Variants in ELMOD1 observed in about 807,000 individuals in gnomAD.
ELMOD1 encodes ELMO domain-containing protein 1.
A neutral mutation model predicts 46.7 loss-of-function variants in ELMOD1; 21 were observed. The observed-to-expected ratio is 0.45, with a 90% confidence interval of 0.32 to 0.65. The LOEUF (loss-of-function observed/expected upper bound fraction) is 0.65, where lower values mean the gene tolerates loss of function less well. Among genes scored for constraint, ELMOD1 ranks in the 30% least tolerant of loss-of-function variants. The pLI is 0.04. For missense variants in ELMOD1, 348 were observed against 407.8 expected (o/e 0.85, Z 1.26); for synonymous variants, 122 against 138.2 (o/e 0.88, Z 0.82).
chr11:107,591,603 C>T (rs958418651), intron 1 of ELMOD1, 194 bp downstream of exon 1: 2 of 329,726 alleles, frequency 6.1e-6, no homozygotes, highest in African/African-American at 4.4e-5. Context: ...CCGGGGTCAC[C>T]CAGGACAGTG....
At chr11:107,593,048 G>A (rs1865430758) in intron 1 of ELMOD1, 1 of 152,636 alleles carries the variant, frequency 6.6e-6, no homozygotes, top group East Asian at 1.9e-4. Flanking sequence ...GCACAGTGAA[G>A]CTGAAGTGCT....
intron 1 of ELMOD1, among the ~76,000 whole-genome samples, chr11:107,603,618 A>G (rs918701464): frequency 6.6e-6 from 1 of 151,798 alleles, no homozygotes; most frequent in Non-Finnish European, 1.5e-5. Context: ...TCCCACTTTT[A>G]GAGGAACTGG....
At chr11:107,650,987 C>T in intron 9 of ELMOD1, 79 bp downstream of exon 9, 3 of 798,996 alleles carry the variant, frequency 3.8e-6, no homozygotes. Context: ...TTTTAAGGAA[C>T]TCTGAATTTA....
intron 1 of ELMOD1, chr11:107,592,482 G>A (rs1268615533): frequency 5.6e-6 from 3 of 531,388 alleles, no homozygotes; most frequent in Non-Finnish European, 1.2e-5. Flanking sequence ...AACTGGTGCT[G>A]CCAATATGGT....
intron 7 of ELMOD1, among the ~76,000 whole-genome samples, chr11:107,650,112 A>G (rs563059400): frequency 6.6e-6 from 1 of 152,332 alleles, no homozygotes; most frequent in East Asian, 1.9e-4. Context: ...TCTACTGGAT[A>G]CATTCCTAAA....
At chr11:107,616,449 G>A (rs900204099) in intron 1 of ELMOD1, among the ~76,000 whole-genome samples, 1 of 152,022 alleles carries the variant, frequency 6.6e-6, no homozygotes, top group Admixed American at 6.6e-5. Flanking sequence ...GCGCATTCTC[G>A]GGTCACTGTA....
chr11:107,598,229 G>T (rs946135786), intron 1 of ELMOD1, among the ~76,000 whole-genome samples: 7 of 152,138 alleles, frequency 4.6e-5, no homozygotes, highest in Admixed American at 2.0e-4. Context: ...CCTACAATCT[G>T]CTGTCTGCAA....
chr11:107,630,638 T>C lies in ELMOD1; in HGVS notation c.164-62T>C. 9 of 1,601,518 alleles carry C rather than the reference T, an allele frequency of 5.6e-6. No individual in the cohort carries two copies. The South Asian group carries it at 1.0e-4, about 18-fold the overall frequency. On this transcript the variant is annotated intron_variant, in intron 3 of 11. Transcript: ENST00000265840. ...GATACGATGTTGTCTTTCAGTGTAG[T>C]AATTCTAAACCATGTGTAAAGGATA...
At chr11:107,655,843 C>A in intron 10 of ELMOD1, 90 bp from the exon 11 acceptor site, 1 of 1,358,260 alleles carries the variant, frequency 7.4e-7, no homozygotes, top group Non-Finnish European at 1.0e-6. Context: ...ACTGTCGTGG[C>A]ACTGGTAGGA....
chr11:107,615,391 A>T (rs1865845365), intron 1 of ELMOD1, among the ~76,000 whole-genome samples: 2 of 151,784 alleles, frequency 1.3e-5, no homozygotes, highest in Admixed American at 6.6e-5. Flanking sequence ...ACGCGCTGCC[A>T]CACCCAGCTA....
chr11:107,617,958 T>C, intron 1 of ELMOD1, 147 bp from the exon 2 acceptor site: 2 of 566,346 alleles, frequency 3.5e-6, no homozygotes, highest in Non-Finnish European at 6.4e-6. Flanking sequence ...CCTCTATCCA[T>C]TGAATTGCAT....
chr11:107,615,131 C>T (rs1210028419), intron 1 of ELMOD1, among the ~76,000 whole-genome samples: 1 of 148,892 alleles, frequency 6.7e-6, no homozygotes, highest in Non-Finnish European at 1.5e-5. Context: ...CAGGCATTAA[C>T]ATATTTTATA....
intron 1 of ELMOD1, among the ~76,000 whole-genome samples, chr11:107,602,698 T>C (rs1402165612): frequency 1.3e-5 from 2 of 151,760 alleles, no homozygotes; most frequent in African/African-American, 4.8e-5. Context: ...TTCTTGTCTT[T>C]GCATTGTTTC....
At chr11:107,612,811 T>G (rs1432827377) in intron 1 of ELMOD1, among the ~76,000 whole-genome samples, 4 of 152,236 alleles carry the variant, frequency 2.6e-5, no homozygotes, top group African/African-American at 9.6e-5. Context: ...ATTTTCTATA[T>G]AAAACATTTA....
At chr11:107,615,955 C>T (rs1163099301) in intron 1 of ELMOD1, among the ~76,000 whole-genome samples, 4 of 148,772 alleles carry the variant, frequency 2.7e-5, no homozygotes, top group Admixed American at 1.3e-4. Context: ...CCTTGATCAC[C>T]TGGCTGAGGC....
intron 11 of ELMOD1, among the ~76,000 whole-genome samples, chr11:107,660,751 A>G (rs1866725102): frequency 6.6e-6 from 1 of 152,230 alleles, no homozygotes. Context: ...TGTTGTAAGA[A>G]TGCAATGAGA....
rs1256650649 is a variant in ELMOD1, at chr11:107,622,897, GTA to G, written c.17+4695_17+4696del. On this transcript the variant is annotated intron_variant, in intron 2 of 11. Coordinates refer to ENST00000265840, the MANE Select transcript of ELMOD1 (RefSeq NM_018712.4). ...TTTCTATGGTACATACATGTATGAG[GTA>G]TATTTTTACATGTATGTGTGCATAT... Among the ~76,000 whole-genome samples the G allele has an allele frequency of 2.6e-5, 4 of 152,076 alleles. No homozygotes were observed. The East Asian group carries it at 7.7e-4, about 29-fold the overall frequency.
Position 107,665,246 on chromosome 11 carries a change from T to A in ELMOD1, c.*49T>A. 3 of 1,579,784 alleles carry A rather than the reference T, an allele frequency of 1.9e-6. No homozygotes were observed. Among genetic ancestry groups the A allele is most frequent in the South Asian group, 2.3e-5 (2 of 87,082 alleles). On this transcript the variant is annotated 3_prime_UTR_variant, in exon 12 of 12. Coordinates refer to ENST00000265840, the MANE Select transcript of ELMOD1 (RefSeq NM_018712.4). ...TACCCTGGAACACTGCCTCATTGTC[T>A]TGTTAGATCTCTGCTTAGGTCGCAG...
intron 1 of ELMOD1, among the ~76,000 whole-genome samples, chr11:107,607,161 A>C (rs1411030718): frequency 6.6e-6 from 1 of 152,132 alleles, no homozygotes; most frequent in Non-Finnish European, 1.5e-5. Context: ...CAAAATCTCC[A>C]CTTGATGGGC....
Sources: gnomAD v4.1 joint callset for allele counts (sites outside exome capture counted in the v4.1 genomes callset) on GRCh38, gnomAD v4.1.1 for gene constraint, MANE v1.5 for transcripts, NCBI Gene and HGNC (gene_info 2026-07-23, HGNC 2026-07-21) for gene names.